Variants in DCP1A observed in about 807,000 individuals in gnomAD.
The protein encoded by DCP1A is decapping mRNA 1A, also known as mRNA-decapping enzyme 1A.
A neutral mutation model predicts 58.0 loss-of-function variants in DCP1A; 20 were observed. The observed-to-expected ratio is 0.34, with a 90% CI of 0.24 to 0.50. The LOEUF is 0.50. Among genes scored for constraint, DCP1A ranks in the 20% least tolerant of loss-of-function variants. The pLI is 0.98. For synonymous variants in DCP1A, 285 were observed against 275.1 expected (o/e 1.04, Z -0.36); for missense variants, 613 against 712.2 (o/e 0.86, Z 1.59).
intron 4 of DCP1A, among the ~76,000 whole-genome samples, chr3:53,313,398 A>G (rs1331329480): frequency 3.3e-5 from 5 of 151,774 alleles, no homozygotes; most frequent in Non-Finnish European, 7.4e-5. Context: ...CAGCCTGGGT[A>G]ACAGAGTGAG....
At chr3:53,307,509 G>A (rs1707512168) in intron 5 of DCP1A, among the ~76,000 whole-genome samples, 1 of 152,168 alleles carries the variant, frequency 6.6e-6, no homozygotes, top group African/African-American at 2.4e-5. Context: ...TGGGGCATTT[G>A]ATTTGCAATT....
intron 5 of DCP1A, 33 bp from the exon 6 acceptor site, chr3:53,304,323 G>A: frequency 6.5e-7 from 1 of 1,527,892 alleles, no homozygotes. Flanking sequence ...AATATATCTT[G>A]TGAAAAAAAT....
intron 5 of DCP1A, among the ~76,000 whole-genome samples, chr3:53,305,642 G>A (rs782429843): frequency 2.6e-5 from 4 of 152,132 alleles, no homozygotes; most frequent in Non-Finnish European, 5.9e-5. Flanking sequence ...GAGCCACATC[G>A]TGCCTGGCAA....
chr3:53,341,783 C>CA (rs1327112167), intron 3 of DCP1A, among the ~76,000 whole-genome samples: 1 of 152,136 alleles, frequency 6.6e-6, no homozygotes, highest in Non-Finnish European at 1.5e-5. Flanking sequence ...CAGCTCACTG[C>CA]AACCTCCACC....
intron 2 of DCP1A, 139 bp downstream of exon 2, chr3:53,344,763 T>C (rs1386998615): frequency 1.8e-6 from 1 of 563,180 alleles, no homozygotes; most frequent in Non-Finnish European, 3.1e-6. Context: ...CTGGTTAAGA[T>C]TTCACAGCTA....
chr3:53,331,156 C>T lies in DCP1A; in HGVS notation c.304+10988G>A, dbSNP rs575051045. 4.6e-5 allele frequency among the ~76,000 whole-genome samples: 7 copies of T among 152,142 alleles called. No individual in the cohort carries two copies. The South Asian group carries it at 1.2e-3, about 27-fold the overall frequency. ...ATAGGCATGAGTCACTGCGCCTGGC[C>T]CAAAATGCAATATTGAAATAGTTTT... On this transcript the variant is annotated intron_variant, in intron 3 of 9. Transcript: ENST00000610213.
intron 3 of DCP1A, chr3:53,338,096 C>A (rs749801087): frequency 4.8e-6 from 2 of 419,946 alleles, no homozygotes; most frequent in Non-Finnish European, 9.7e-6. Context: ...ATTACCTTTG[C>A]GAATCTCGAG....
At chr3:53,311,757 G>A (rs1483838469) in intron 5 of DCP1A, among the ~76,000 whole-genome samples, 2 of 152,128 alleles carry the variant, frequency 1.3e-5, no homozygotes, top group Non-Finnish European at 2.9e-5. Flanking sequence ...AACTGCAGTG[G>A]TGAAGAAGAG....
At chr3:53,337,547 G>A (rs1316207612) in intron 3 of DCP1A, among the ~76,000 whole-genome samples, 4 of 152,236 alleles carry the variant, frequency 2.6e-5, no homozygotes, top group African/African-American at 4.8e-5. Flanking sequence ...CAAGGTTATA[G>A]TCAGTAAGGC....
chr3:53,309,816 C>T (rs1553688468), intron 5 of DCP1A, among the ~76,000 whole-genome samples: 4 of 152,214 alleles, frequency 2.6e-5, no homozygotes. Flanking sequence ...TCTGAAATTT[C>T]GTTCATTATA....
intron 6 of DCP1A, among the ~76,000 whole-genome samples, chr3:53,302,718 G>C (rs1707349622): frequency 6.6e-6 from 1 of 151,540 alleles, no homozygotes; most frequent in Non-Finnish European, 1.5e-5. Context: ...CACCTCCCGG[G>C]TTCAAGCAAT....
intron 6 of DCP1A, among the ~76,000 whole-genome samples, chr3:53,301,493 G>A (rs375392016): frequency 3.9e-5 from 6 of 151,946 alleles, no homozygotes; most frequent in African/African-American, 1.2e-4. Flanking sequence ...GGCTAGTCTC[G>A]AACTCCTGAC....
At chr3:53,295,511 T>C (rs1433742425) in intron 6 of DCP1A, among the ~76,000 whole-genome samples, 2 of 152,332 alleles carry the variant, frequency 1.3e-5, no homozygotes, top group African/African-American at 2.4e-5. Context: ...AAATAAAAGA[T>C]ACCTCAGCTG....
At chr3:53,347,112 C>G (rs540419492) in intron 1 of DCP1A, among the ~76,000 whole-genome samples, 5 of 152,330 alleles carry the variant, frequency 3.3e-5, no homozygotes, top group African/African-American at 1.2e-4. Flanking sequence ...CCCACGTCCC[C>G]AGACCCGACG....
At chr3:53,300,339 CTTT>C (rs34299781) in intron 6 of DCP1A, among the ~76,000 whole-genome samples, 16 of 139,534 alleles carry the variant, frequency 1.1e-4, no homozygotes, top group African/African-American at 4.0e-4. Context: ...TGCTTTATGA[CTTT>C]TTTTTTTTTT....
At chr3:53,319,539 A>G in intron 3 of DCP1A, 66 bp from the exon 4 acceptor site, 3 of 968,464 alleles carry the variant, frequency 3.1e-6, no homozygotes, top group Non-Finnish European at 4.8e-6. Flanking sequence ...GTATGTAAAT[A>G]ATATATTATC....
At chr3:53,301,883 T>G (rs914712530) in intron 6 of DCP1A, among the ~76,000 whole-genome samples, 1 of 152,238 alleles carries the variant, frequency 6.6e-6, no homozygotes, top group African/African-American at 2.4e-5. Flanking sequence ...TCCATTTATA[T>G]AATATTCTTG....
chr3:53,342,901 A>G (rs1553692730), intron 2 of DCP1A, among the ~76,000 whole-genome samples: 1 of 152,230 alleles, frequency 6.6e-6, no homozygotes, highest in Non-Finnish European at 1.5e-5. Context: ...TGAATGAAAT[A>G]TCATTCAATT....
In DCP1A at chr3:53,304,297, AAAGT is replaced by A; in HGVS notation, c.511-11_511-8del. ...TTGAGTCACCCATCTGATTCTTTAA[AAAGT>A]TAAAAGAAAAAAATATATCTTGTGA... On this transcript the variant is annotated splice_region_variant and splice_polypyrimidine_tract_variant and intron_variant, in intron 5 of 9. Coordinates refer to ENST00000610213, the MANE Select transcript of DCP1A (RefSeq NM_018403.7). 6.2e-7 allele frequency: 1 copy of A among 1,601,610 alleles called. No homozygotes were observed.
Sources: gnomAD v4.1 joint callset for allele counts (sites outside exome capture counted in the v4.1 genomes callset) on GRCh38, gnomAD v4.1.1 for gene constraint, MANE v1.5 for transcripts, NCBI Gene and HGNC (gene_info 2026-07-23, HGNC 2026-07-21) for gene names.